The following SVIL variants were observed in gnomAD, a reference collection of about 807,000 sequenced individuals.
The protein encoded by SVIL is archvillin.
Under a neutral mutation model 240.4 loss-of-function variants are expected in SVIL, and 101 were observed. That is an observed-to-expected ratio of 0.42 (90% CI 0.36 to 0.50). The LOEUF is 0.50. Ranked by LOEUF, SVIL falls within the 20% of genes least tolerant of loss-of-function variation. SVIL has a pLI of 0.01. For synonymous variants in SVIL, 999 were observed against 1,100.0 expected (o/e 0.91, Z 1.82); for missense variants, 2,512 against 2,818.7 (o/e 0.89, Z 2.46).
chr10:29,696,344 C>T (rs1269465213), intron 1 of SVIL, among the ~76,000 whole-genome samples: 2 of 152,128 alleles, frequency 1.3e-5, no homozygotes, highest in East Asian at 2.0e-4. Flanking sequence ...CCCCAAAGTG[C>T]GGAGATTGCA....
intron 1 of SVIL, among the ~76,000 whole-genome samples, chr10:29,608,427 C>G (rs1957106966): frequency 6.6e-6 from 1 of 152,238 alleles, no homozygotes; most frequent in South Asian, 2.1e-4. Flanking sequence ...AATAGGTGAT[C>G]CCAGCAGGAG....
intron 1 of SVIL, among the ~76,000 whole-genome samples, chr10:29,595,684 T>C (rs1238967074): frequency 6.6e-6 from 1 of 152,194 alleles, no homozygotes; most frequent in East Asian, 1.9e-4. Flanking sequence ...GTCTCTAGCA[T>C]CAGTGCCTCT....
chr10:29,532,387 A>T, intron 8 of SVIL, 142 bp downstream of exon 8: 13 of 1,398,160 alleles, frequency 9.3e-6, no homozygotes, highest in African/African-American at 1.5e-5. Flanking sequence ...TTTTTGAGCC[A>T]TTTTCCGCAT....
At chr10:29,723,212 A>G (rs1336734480) in intron 1 of SVIL, among the ~76,000 whole-genome samples, 1 of 152,212 alleles carries the variant, frequency 6.6e-6, no homozygotes, top group African/African-American at 2.4e-5. Context: ...TCTTCAAAAA[A>G]TTAGCCAGCC....
chr10:29,547,268 T>C (rs992174145), intron 6 of SVIL, among the ~76,000 whole-genome samples: 1 of 152,206 alleles, frequency 6.6e-6, no homozygotes, highest in African/African-American at 2.4e-5. Context: ...TTTTTTTAAA[T>C]GTCAAATTTG....
intron 21 of SVIL, among the ~76,000 whole-genome samples, chr10:29,491,304 G>A (rs1459799110): frequency 6.6e-6 from 1 of 150,866 alleles, no homozygotes; most frequent in Non-Finnish European, 1.5e-5. Flanking sequence ...TCACGGCTCT[G>A]CTAGACAGCT....
At position 29,665,967 on chromosome 10, in the gene SVIL, C is replaced by T. The variant is rs188701345; in HGVS notation, c.-300-7899G>A. Among the ~76,000 whole-genome samples, 4 of 152,370 alleles carry T rather than the reference C, an allele frequency of 2.6e-5. No individual in the cohort carries two copies. In the East Asian group the frequency reaches 7.7e-4, roughly 29 times the overall value. On this transcript the variant is annotated intron_variant, in intron 2 of 35. Coordinates refer to the SVIL transcript ENST00000375400. ...GTCCTGATTGATCCTGGATGACTTT[C>T]ACCTCCTTTCTCAAGGTTTAAGTGA... is the stretch of plus-strand genomic sequence containing the variant.
At chr10:29,507,137 G>A (rs1288888068) in intron 17 of SVIL, among the ~76,000 whole-genome samples, 1 of 152,042 alleles carries the variant, frequency 6.6e-6, no homozygotes, top group East Asian at 1.9e-4. Context: ...TAGGGCCATT[G>A]GAACCAGCTC....
intron 6 of SVIL, among the ~76,000 whole-genome samples, chr10:29,543,492 C>T (rs749287552): frequency 5.9e-5 from 9 of 152,338 alleles, no homozygotes; most frequent in South Asian, 2.1e-4. Context: ...CTGTTTCCCA[C>T]GAACTGCTGT....
intron 36 of SVIL, among the ~76,000 whole-genome samples, chr10:29,460,166 CT>C (rs1219309308): frequency 6.6e-6 from 1 of 152,184 alleles, no homozygotes; most frequent in Non-Finnish European, 1.5e-5. Context: ...CTGAAAGTCA[CT>C]TTGGCCAAGT....
chr10:29,516,416 C>G (rs1950203905), intron 16 of SVIL, among the ~76,000 whole-genome samples: 1 of 152,158 alleles, frequency 6.6e-6, no homozygotes, highest in Admixed American at 6.5e-5. Context: ...TTCTTCCTGT[C>G]CCTTTAGATT....
At chr10:29,562,740 G>T (rs950936385) in intron 3 of SVIL, among the ~76,000 whole-genome samples, 1 of 137,548 alleles carries the variant, frequency 7.3e-6, no homozygotes, top group African/African-American at 2.7e-5. Flanking sequence ...CAGCCTGGGC[G>T]ACAGAGCGAG....
At chr10:29,651,435 T>C (rs988930941) in intron 3 of SVIL, among the ~76,000 whole-genome samples, 1 of 152,186 alleles carries the variant, frequency 6.6e-6, no homozygotes, top group African/African-American at 2.4e-5. Flanking sequence ...AACATCCATC[T>C]TGGCAATTCC....
Position 29,498,088 on chromosome 10 carries a change from CA to C in SVIL, c.3664+1027del, listed in dbSNP as rs34280398. ...CAGAGCGAGATTCTGTCCCCTCCAC[CA>C]AAAAAAAAAAAAAAAAAAAAAAAAA... On this transcript the variant is annotated intron_variant, in intron 18 of 37. Coordinates refer to ENST00000355867, the MANE Select transcript of SVIL (RefSeq NM_021738.3). Among the ~76,000 whole-genome samples the C allele has an allele frequency of 0.015, 558 of 37,456 alleles. 2 individuals carry two copies. The East Asian group carries it at 0.2, about 13-fold the overall frequency. The allele number at this position is 37,456 out of a possible 152,430, so 24.6% of individuals were successfully genotyped here.
intron 5 of SVIL, among the ~76,000 whole-genome samples, chr10:29,553,479 G>T (rs553059894): frequency 4.1e-4 from 63 of 152,260 alleles, no homozygotes; most frequent in African/African-American, 1.5e-3. Context: ...TACTCCAGAG[G>T]CTGAGGCAGG....
chr10:29,561,585 T>C (rs1954475129), intron 3 of SVIL, among the ~76,000 whole-genome samples: 1 of 103,284 alleles, frequency 9.7e-6, no homozygotes, highest in African/African-American at 3.3e-5. Context: ...TCAGAGGAAA[T>C]TTTTTTTTTT....
intron 1 of SVIL, among the ~76,000 whole-genome samples, chr10:29,613,573 A>G (rs1439080878): frequency 2.0e-5 from 3 of 152,142 alleles, no homozygotes; most frequent in African/African-American, 7.2e-5. Context: ...CCTGGGCTCA[A>G]GTGATCCTCC....
intron 6 of SVIL, among the ~76,000 whole-genome samples, chr10:29,550,182 A>G (rs1953157976): frequency 6.6e-6 from 1 of 152,084 alleles, no homozygotes; most frequent in Admixed American, 6.5e-5. Context: ...TCATGCCTGT[A>G]ATCCCAGTGC....
At chr10:29,559,828 T>G (rs2132681340) in intron 3 of SVIL, among the ~76,000 whole-genome samples, 1 of 152,364 alleles carries the variant, frequency 6.6e-6, no homozygotes, top group Admixed American at 6.5e-5. Flanking sequence ...GGAAATTTGA[T>G]AGCAGAGCTA....
Sources: allele counts gnomAD v4.1 joint callset (sites outside exome capture counted in the v4.1 genomes callset), GRCh38; gene constraint gnomAD v4.1.1; transcripts MANE v1.5; gene names NCBI Gene and HGNC (gene_info 2026-07-23, HGNC 2026-07-21).